Variants in ADGRL3 observed in about 807,000 individuals in gnomAD.
ADGRL3 encodes adhesion G protein-coupled receptor L3, also known as calcium-independent alpha-latrotoxin receptor 3.
ADGRL3 carries 62 observed loss-of-function variants against 153.5 expected under a neutral mutation model. The observed-to-expected ratio is 0.40, with a 90% CI of 0.33 to 0.50. The LOEUF is 0.50. Among genes scored for constraint, ADGRL3 ranks in the 20% least tolerant of loss-of-function variants. ADGRL3 has a pLI of 0.47. For synonymous variants in ADGRL3, 710 were observed against 672.5 expected (o/e 1.06, Z -0.86); for missense variants, 1,641 against 1,859.4 (o/e 0.88, Z 2.16).
At chr4:61,505,574 A>G (rs1022155933) in intron 3 of ADGRL3, among the ~76,000 whole-genome samples, 1 of 152,018 alleles carries the variant, frequency 6.6e-6, no homozygotes, top group African/African-American at 2.4e-5. Context: ...AAAAATTTCT[A>G]TTTTTGGTCG....
intron 6 of ADGRL3, among the ~76,000 whole-genome samples, chr4:61,699,627 A>C (rs558047538): frequency 6.6e-6 from 1 of 152,130 alleles, no homozygotes; most frequent in Non-Finnish European, 1.5e-5. Context: ...AGAAGAGTTA[A>C]TAGACCCATT....
intron 1 of ADGRL3, among the ~76,000 whole-genome samples, chr4:61,300,851 C>T (rs939035283): frequency 4.0e-5 from 6 of 151,494 alleles, no homozygotes; most frequent in South Asian, 2.1e-4. Context: ...CTGCAGGCTC[C>T]GCCTCACGGG....
At chr4:61,277,914 A>T (rs1286266877) in intron 1 of ADGRL3, among the ~76,000 whole-genome samples, 1 of 152,300 alleles carries the variant, frequency 6.6e-6, no homozygotes, top group African/African-American at 2.4e-5. Context: ...AGATTCTCAG[A>T]CTTGTAGAAG....
intron 9 of ADGRL3, among the ~76,000 whole-genome samples, chr4:61,853,749 G>C (rs1329579441): frequency 6.6e-6 from 1 of 152,094 alleles, no homozygotes; most frequent in Non-Finnish European, 1.5e-5. Flanking sequence ...ATTACATATG[G>C]TTCCTAATAT....
At chr4:61,557,480 A>G (rs1311835902) in intron 4 of ADGRL3, among the ~76,000 whole-genome samples, 1 of 152,190 alleles carries the variant, frequency 6.6e-6, no homozygotes, top group Non-Finnish European at 1.5e-5. Flanking sequence ...ATAAAGCAGT[A>G]AAAGTCTATA....
chr4:61,409,420 T>TA (rs71211381), intron 2 of ADGRL3, among the ~76,000 whole-genome samples: 11 of 142,906 alleles, frequency 7.7e-5, no homozygotes, highest in African/African-American at 1.3e-4. Context: ...TATATATATA[T>TA]TATATATATG....
At chr4:61,845,573 C>G (rs1218479879) in intron 9 of ADGRL3, among the ~76,000 whole-genome samples, 1 of 150,718 alleles carries the variant, frequency 6.6e-6, no homozygotes, top group Non-Finnish European at 1.5e-5. Context: ...ACTATGTTGC[C>G]CAGGCAGGCC....
At chr4:61,704,279 T>C (rs2095818969) in intron 6 of ADGRL3, among the ~76,000 whole-genome samples, 1 of 152,186 alleles carries the variant, frequency 6.6e-6, no homozygotes, top group African/African-American at 2.4e-5. Context: ...CTCAGAGATA[T>C]TGCTGGTTTA....
chr4:61,950,215 T>G (rs1047081885), intron 17 of ADGRL3, among the ~76,000 whole-genome samples: 14 of 152,132 alleles, frequency 9.2e-5, no homozygotes, highest in African/African-American at 3.4e-4. Context: ...AAATAAGATA[T>G]GAACACTGCC....
At chr4:61,576,279 A>G (rs991269418) in intron 4 of ADGRL3, among the ~76,000 whole-genome samples, 40 of 152,046 alleles carry the variant, frequency 2.6e-4, no homozygotes, top group African/African-American at 8.7e-4. Context: ...GGTCTTCACT[A>G]GTGTCCAGCA....
intron 24 of ADGRL3, among the ~76,000 whole-genome samples, chr4:62,038,734 G>A (rs1477922427): frequency 6.6e-6 from 1 of 152,016 alleles, no homozygotes; most frequent in East Asian, 1.9e-4. Context: ...CCAGCCTCCC[G>A]AGTAGCTGGG....
chr4:61,389,977 A>C (rs1311831629), intron 2 of ADGRL3, among the ~76,000 whole-genome samples: 1 of 152,192 alleles, frequency 6.6e-6, no homozygotes, highest in East Asian at 1.9e-4. Context: ...CAAAACAACA[A>C]TAATACTTTT....
intron 4 of ADGRL3, among the ~76,000 whole-genome samples, chr4:61,579,282 C>CT (rs1176771400): frequency 6.6e-6 from 1 of 151,978 alleles, no homozygotes; most frequent in African/African-American, 2.4e-5. Flanking sequence ...CTAAATAATT[C>CT]TTTTTAGTGG....
intron 4 of ADGRL3, among the ~76,000 whole-genome samples, chr4:61,552,671 A>T (rs2098745694): frequency 6.6e-6 from 1 of 152,096 alleles, no homozygotes; most frequent in South Asian, 2.1e-4. Flanking sequence ...GTCTCCCTGC[A>T]TTGCCCAGAC....
intron 5 of ADGRL3, among the ~76,000 whole-genome samples, chr4:61,635,470 C>T (rs1034133002): frequency 1.3e-5 from 2 of 152,060 alleles, no homozygotes; most frequent in African/African-American, 2.4e-5. Context: ...GGCCCTATAC[C>T]GTTGGGACAG....
At chr4:61,652,426 GTCA>G (rs1162281643) in intron 5 of ADGRL3, among the ~76,000 whole-genome samples, 2 of 152,104 alleles carry the variant, frequency 1.3e-5, no homozygotes, top group African/African-American at 4.8e-5. Flanking sequence ...GCAAGCAATG[GTCA>G]TCATTATGAA....
intron 9 of ADGRL3, among the ~76,000 whole-genome samples, chr4:61,844,575 A>AAAATATATAT (rs1554045137): frequency 1.7e-4 from 3 of 18,092 alleles, no homozygotes; most frequent in African/African-American, 2.6e-4. Context: ...AAAAAAAAAA[A>AAAATATATAT]ATATATATAT....
chr4:61,663,751 A>C (rs2094690459), intron 5 of ADGRL3, among the ~76,000 whole-genome samples: 2 of 152,188 alleles, frequency 1.3e-5, no homozygotes, highest in South Asian at 4.1e-4. Context: ...AAACTTTAAA[A>C]CATTGGTGGT....
rs1734747095 is a variant in ADGRL3 at position 61,201,783 on chromosome 4, C to T, written c.-240+18C>T. On this transcript the variant is annotated intron_variant, in intron 1 of 26. Coordinates refer to ENST00000683033, the MANE Select transcript of ADGRL3 (RefSeq NM_001387552.1). ...TACGAAAGGTAATTTATTCTTCGCA[C>T]TCTTCATAATAGGGGTCGCCCTGGC... 1 of 152,392 alleles carries T rather than the reference C, an allele frequency of 6.6e-6. No homozygotes were observed. The highest frequency in any genetic ancestry group is 2.1e-4 in the South Asian group (1 of 4,850). The allele number at this position is 152,392 out of a possible 1,614,324, so 9.4% of individuals were successfully genotyped here.
Sources: gnomAD v4.1 joint callset for allele counts (sites outside exome capture counted in the v4.1 genomes callset) on GRCh38, gnomAD v4.1.1 for gene constraint, MANE v1.5 for transcripts, NCBI Gene and HGNC (gene_info 2026-07-23, HGNC 2026-07-21) for gene names.